Variants in COBL observed in about 807,000 individuals in gnomAD.
The protein encoded by COBL is cordon-bleu WH2 repeat protein, also known as protein cordon-bleu.
Under a neutral mutation model 98.8 loss-of-function variants are expected in COBL, and 51 were observed. That is an observed-to-expected ratio of 0.52 (90% CI 0.41 to 0.65). The LOEUF is 0.65. COBL is among the 30% of genes least tolerant of loss of function. COBL has a pLI of 0.00. For synonymous variants in COBL, 634 were observed against 651.7 expected, an observed-to-expected ratio of 0.97 and a Z score of 0.41; for missense variants, 1,617 against 1,617.5, an observed-to-expected ratio of 1.00 and a Z score of 0.01.
At position 51,017,238 on chromosome 7, in the gene COBL, A is replaced by G. The variant is rs193275383; in HGVS notation, c.*313T>C. ...GATTCTTTTTACTTTGCCCATAAATATAATTAAGTGTGAGTGCTGGGCTCC... is the reference window on the plus strand; with the variant it reads ...GATTCTTTTTACTTTGCCCATAAATGTAATTAAGTGTGAGTGCTGGGCTCC... On this transcript the variant is annotated 3_prime_UTR_variant, in exon 13 of 13. Coordinates refer to ENST00000265136, the MANE Select transcript of COBL (RefSeq NM_015198.5). 3.8e-6 allele frequency: 2 copies of G among 532,972 alleles called. No individual in the cohort carries two copies. The highest frequency in any genetic ancestry group is 6.6e-6 in the Non-Finnish European group (2 of 303,406). The allele number at this position is 532,972 out of a possible 1,614,324, so 33.0% of individuals were successfully genotyped here. A position where few individuals can be genotyped will look rare whatever the true frequency, so the allele number is the denominator to read the frequency against.
intron 1 of COBL, among the ~76,000 whole-genome samples, chr7:51,271,139 C>G (rs186277003): frequency 6.6e-6 from 1 of 152,166 alleles, no homozygotes; most frequent in Admixed American, 6.5e-5. Flanking sequence ...AGCCTCAGTG[C>G]GTGTCACCTG....
chr7:51,131,605 T>C (rs1583899009), intron 6 of COBL, among the ~76,000 whole-genome samples: 1 of 151,718 alleles, frequency 6.6e-6, no homozygotes, highest in African/African-American at 2.4e-5. Flanking sequence ...TTTTTTTTTT[T>C]TTTTCTGAAA....
intron 1 of COBL, among the ~76,000 whole-genome samples, chr7:51,231,963 G>A (rs1384092251): frequency 6.6e-6 from 1 of 152,182 alleles, no homozygotes; most frequent in East Asian, 1.9e-4. Flanking sequence ...CTGAGCTCCT[G>A]CCATGGTCGG....
Position 51,244,915 on chromosome 7 carries a change from T to C in COBL, c.42-24971A>G, listed in dbSNP as rs184200738. On this transcript the variant is annotated intron_variant, in intron 1 of 12. Transcript: ENST00000265136. ...CAGAAAAGGGCTAAGCTCACATCTC[T>C]TCTAAGGCTTCACCCATTTTTTTCT... 1.6e-3 allele frequency among the ~76,000 whole-genome samples: 246 copies of C among 152,308 alleles called. 1 individual carries two copies. Among genetic ancestry groups the C allele is most frequent in the African/African-American group, 5.8e-3 (239 of 41,564 alleles).
chr7:51,097,199 A>G (rs1048889465), intron 6 of COBL, among the ~76,000 whole-genome samples: 4 of 152,212 alleles, frequency 2.6e-5, no homozygotes, highest in Non-Finnish European at 5.9e-5. Context: ...AACATCAATC[A>G]ATGTAATATG....
chr7:51,181,707 C>T (rs73697824), intron 5 of COBL, among the ~76,000 whole-genome samples: 10,358 of 152,296 alleles, frequency 0.068, 392 homozygotes, highest in Middle Eastern at 0.14. Flanking sequence ...TGGTGAAAAA[C>T]AGCCCCTTGC....
chr7:51,085,064 T>C, intron 7 of COBL, 102 bp downstream of exon 7: 2 of 1,552,446 alleles, frequency 1.3e-6, no homozygotes, highest in Non-Finnish European at 1.7e-6. Flanking sequence ...TTTGGGTTAA[T>C]GTCATTATGG....
chr7:51,256,045 A>G (rs1003302322), intron 1 of COBL, among the ~76,000 whole-genome samples: 6 of 152,136 alleles, frequency 3.9e-5, no homozygotes, highest in African/African-American at 1.4e-4. Flanking sequence ...CCATGCTTAA[A>G]GGATTTCTGA....
intron 8 of COBL, among the ~76,000 whole-genome samples, chr7:51,040,116 G>A (rs536404817): frequency 6.6e-6 from 1 of 150,896 alleles, no homozygotes; most frequent in Non-Finnish European, 1.5e-5. Context: ...TGAAAATCAT[G>A]TATTTGGGAA....
At chr7:51,225,771 AT>A (rs1375568170) in intron 1 of COBL, among the ~76,000 whole-genome samples, 2 of 152,160 alleles carry the variant, frequency 1.3e-5, no homozygotes, top group Non-Finnish European at 2.9e-5. Context: ...CTGGGTTTTT[AT>A]TCTGAGAGCT....
intron 7 of COBL, among the ~76,000 whole-genome samples, chr7:51,058,113 T>TC: frequency 6.7e-6 from 1 of 149,090 alleles, no homozygotes; most frequent in East Asian, 2.0e-4. Flanking sequence ...TTTGGTAATC[T>TC]TTTTTTTTTA....
At position 51,219,815 on chromosome 7, in the gene COBL, C is replaced by T. The variant is rs79885281; in HGVS notation, c.171G>A (p.Ala57=). 1,077 of 1,614,098 alleles carry T rather than the reference C, an allele frequency of 6.7e-4. 5 individuals are homozygous for T. In the African/African-American group the frequency reaches 0.011, roughly 17 times the overall value. Residue 57 remains alanine (A), a synonymous_variant, in exon 2 of 13, where the codon GCG becomes GCA. Coordinates refer to ENST00000265136, the MANE Select transcript of COBL (RefSeq NM_015198.5). ...SQQNLVRMKE[A]LRASTMDVTV... is the part of the protein sequence containing the mutation. ...TGACGTCCATGGTGCTGGCCCTCAG[C>T]GCCTCCTTCATGCGAACCAAGTTCT... is the stretch of plus-strand genomic sequence containing the variant.
intron 1 of COBL, among the ~76,000 whole-genome samples, chr7:51,270,245 C>T (rs1461027258): frequency 1.3e-5 from 2 of 152,144 alleles, no homozygotes; most frequent in African/African-American, 2.4e-5. Flanking sequence ...TTTCTTTATA[C>T]GGCCCAAATA....
chr7:51,066,896 G>T (rs1791987219), intron 7 of COBL, among the ~76,000 whole-genome samples: 1 of 152,230 alleles, frequency 6.6e-6, no homozygotes, highest in South Asian at 2.1e-4. Flanking sequence ...TACTAACATG[G>T]TTGATTTGGA....
At chr7:51,082,857 A>G (rs1793803538) in intron 7 of COBL, among the ~76,000 whole-genome samples, 1 of 152,224 alleles carries the variant, frequency 6.6e-6, no homozygotes, top group Non-Finnish European at 1.5e-5. Context: ...ACAGATAGGC[A>G]TGATTACCTG....
At chr7:51,105,839 C>T (rs1272906673) in intron 6 of COBL, among the ~76,000 whole-genome samples, 7 of 152,134 alleles carry the variant, frequency 4.6e-5, no homozygotes, top group Middle Eastern at 3.4e-3. Context: ...TACAAAAGAA[C>T]GACTTTAATT....
chr7:51,028,334 T>C lies in COBL; in HGVS notation c.2762A>G (p.Glu921Gly), dbSNP rs1272833840. The change falls in exon 10 of 13, where the codon GAG becomes GGG. Residue 921 changes from glutamate to glycine, a missense_variant. Coordinates refer to ENST00000265136, the MANE Select transcript of COBL (RefSeq NM_015198.5). Reference sequence around the variant, plus strand: ...GGCACCATCCTTCCATCCTTGTGTCTCTGAGTGTGGGCTGGATGTCCTGTC... The same window carrying C: ...GGCACCATCCTTCCATCCTTGTGTCCCTGAGTGTGGGCTGGATGTCCTGTC... ...KDDRTSSPHSETQGWKDGAQW... is the reference protein window; with the variant it reads ...KDDRTSSPHSGTQGWKDGAQW... 1 of 1,614,250 alleles carries C rather than the reference T, an allele frequency of 6.2e-7. No individual in the cohort carries two copies.
At chr7:51,084,475 T>C (rs1308204869) in intron 7 of COBL, among the ~76,000 whole-genome samples, 1 of 152,054 alleles carries the variant, frequency 6.6e-6, no homozygotes, top group Non-Finnish European at 1.5e-5. Context: ...ATAAGTGAAA[T>C]AACAAATGCT....
chr7:51,134,959 T>TA (rs1363210471), intron 6 of COBL, among the ~76,000 whole-genome samples: 1 of 152,030 alleles, frequency 6.6e-6, no homozygotes, highest in African/African-American at 2.4e-5. Context: ...TACATTCCTT[T>TA]TTTTTTTATT....
Sources: gnomAD v4.1 joint callset for allele counts (sites outside exome capture counted in the v4.1 genomes callset) on GRCh38, gnomAD v4.1.1 for gene constraint, MANE v1.5 for transcripts, NCBI Gene and HGNC (gene_info 2026-07-23, HGNC 2026-07-21) for gene names.